Variants in FUT8 observed in about 807,000 individuals in gnomAD.
FUT8 encodes alpha-(1,6)-fucosyltransferase.
In FUT8, 29 loss-of-function variants were observed where a neutral mutation model predicts 71.3. That is an observed-to-expected ratio of 0.41 (90% CI 0.30 to 0.55). The LOEUF is 0.55. FUT8 is among the 20% of genes least tolerant of loss of function. The probability of loss-of-function intolerance (pLI) is 0.34; values close to 1 mark genes in which losing one functional copy is unlikely to be tolerated. For synonymous variants in FUT8, 254 were observed against 239.3 expected, an observed-to-expected ratio of 1.06 and a Z score of -0.57; for missense variants, 544 against 702.1, an observed-to-expected ratio of 0.77 and a Z score of 2.55.
chr14:65,477,041 A>T lies in FUT8; in HGVS notation c.-228+21323A>T, dbSNP rs536467689. ...TAAAGTTTTTCTCTACTTAAATATA[A>T]GCTTTTTTGGCACTCTTGAAGATTC... On this transcript the variant is annotated intron_variant, in intron 2 of 10. Coordinates refer to ENST00000673929, the MANE Select transcript of FUT8 (RefSeq NM_001371533.1). Among the ~76,000 whole-genome samples the T allele has an allele frequency of 1.4e-4, 21 of 152,272 alleles. No individual in the cohort carries two copies. The South Asian group carries it at 4.1e-3, about 30-fold the overall frequency.
chr14:65,516,664 T>C (rs935414394), intron 2 of FUT8, among the ~76,000 whole-genome samples: 1 of 152,144 alleles, frequency 6.6e-6, no homozygotes, highest in African/African-American at 2.4e-5. Context: ...ACATTGAATA[T>C]ACAAAATATT....
intron 1 of FUT8, among the ~76,000 whole-genome samples, chr14:65,446,130 C>A (rs1421174944): frequency 1.3e-5 from 2 of 152,146 alleles, no homozygotes; most frequent in Non-Finnish European, 2.9e-5. Flanking sequence ...GAATTTGATA[C>A]GTCTTTTAAG....
At chr14:65,449,582 T>A (rs2065791452) in intron 1 of FUT8, among the ~76,000 whole-genome samples, 1 of 152,202 alleles carries the variant, frequency 6.6e-6, no homozygotes, top group African/African-American at 2.4e-5. Context: ...CCTTCTTGTG[T>A]TTTCTCTCTT....
Position 65,611,256 on chromosome 14 carries a change from CA to C in FUT8, c.204-4721del, listed in dbSNP as rs2096239543. ...ACACACACACACACACACACACACACACACACACACACACACACACACACAC... is the reference window on the plus strand; with the variant it reads ...ACACACACACACACACACACACACACCACACACACACACACACACACACAC... On this transcript the variant is annotated intron_variant, in intron 3 of 10. Transcript: ENST00000673929. 1.7e-4 allele frequency among the ~76,000 whole-genome samples: 13 copies of C among 74,390 alleles called. 2 individuals carry two copies. Among genetic ancestry groups the C allele is most frequent in the African/African-American group, 1.2e-3 (13 of 10,624 alleles). The allele number at this position is 74,390 out of a possible 152,430, so 48.8% of individuals were successfully genotyped here. A position where few individuals can be genotyped will look rare whatever the true frequency, so the allele number is the denominator to read the frequency against.
At chr14:65,608,509 G>T (rs1200365770) in intron 3 of FUT8, among the ~76,000 whole-genome samples, 2 of 151,900 alleles carry the variant, frequency 1.3e-5, no homozygotes, top group Non-Finnish European at 1.5e-5. Flanking sequence ...TAATTTACTG[G>T]TTTTCATATT....
chr14:65,634,561 T>TG (rs1890433403), intron 6 of FUT8, among the ~76,000 whole-genome samples: 1 of 124,046 alleles, frequency 8.1e-6, no homozygotes, highest in Non-Finnish European at 1.7e-5. Context: ...AATGATCAAT[T>TG]AAAAAAAAAA....
chr14:65,623,425 C>T (rs1181553067), intron 5 of FUT8, among the ~76,000 whole-genome samples: 1 of 151,934 alleles, frequency 6.6e-6, no homozygotes, highest in African/African-American at 2.4e-5. Flanking sequence ...GTCATAAATT[C>T]TGTTCTACTT....
chr14:65,561,285 G>T, intron 2 of FUT8, 52 bp from the exon 3 acceptor site: 1 of 340,234 alleles, frequency 2.9e-6, no homozygotes, highest in Non-Finnish European at 5.4e-6. Context: ...CTCAGTATAT[G>T]CTATTTTATA....
At chr14:65,689,144 AT>A (rs1187953461) in intron 7 of FUT8, among the ~76,000 whole-genome samples, 1 of 152,214 alleles carries the variant, frequency 6.6e-6, no homozygotes, top group African/African-American at 2.4e-5. Flanking sequence ...GAGAGTTCCT[AT>A]TTCTTCACAT....
chr14:65,742,199 A>G lies in FUT8; in HGVS notation c.1517A>G (p.Asn506Ser). ...TATTTTGGGGGCCAGAATGCCCACAATCAAATTGCCATTTATGCTCACCAA... is the reference window on the plus strand; with the variant it reads ...TATTTTGGGGGCCAGAATGCCCACAGTCAAATTGCCATTTATGCTCACCAA... ...IYYFGGQNAH[N>S]QIAIYAHQPR... The change falls in exon 11 of 11, where the codon AAT becomes AGT. Residue 506 changes from asparagine to serine, a missense_variant. Transcript: ENST00000673929. The G allele has an allele frequency of 5.0e-6, 8 of 1,613,236 alleles. No individual in the cohort carries two copies. Among genetic ancestry groups the G allele is most frequent in the Non-Finnish European group, 6.8e-6 (8 of 1,179,452 alleles).
chr14:65,710,206 C>A (rs1193519787), intron 7 of FUT8, among the ~76,000 whole-genome samples: 1 of 151,944 alleles, frequency 6.6e-6, no homozygotes, highest in Non-Finnish European at 1.5e-5. Flanking sequence ...AAAAGAAACT[C>A]ATTTAAGTTT....
intron 6 of FUT8, among the ~76,000 whole-genome samples, chr14:65,632,191 A>G (rs1329950792): frequency 6.6e-6 from 1 of 152,200 alleles, no homozygotes; most frequent in Non-Finnish European, 1.5e-5. Context: ...ATAAACATGC[A>G]TGTGCAAGTA....
Position 65,643,664 on chromosome 14 carries a change from ATACACACACACACACACAC to A in FUT8, c.597+14059_597+14077del. Among the ~76,000 whole-genome samples the A allele has an allele frequency of 1.2e-5, 1 of 82,438 alleles. No individual in the cohort carries two copies. The highest frequency in any genetic ancestry group is 4.2e-4 in the South Asian group (1 of 2,356). The allele number at this position is 82,438 out of a possible 152,430, so 54.1% of individuals were successfully genotyped here. ...GCGAGACTCCGTCTTTAAAAAAAAA[ATACACACACACACACACAC>A]ACACACACACACACACACACACACA... On this transcript the variant is annotated intron_variant, in intron 6 of 10. Transcript: ENST00000673929. This position sits in a 1 kb window ranked among gnomAD's most constrained non-coding sequence, Gnocchi z 4.5.
At chr14:65,716,108 T>C (rs1194235723) in intron 7 of FUT8, among the ~76,000 whole-genome samples, 1 of 152,196 alleles carries the variant, frequency 6.6e-6, no homozygotes, top group Non-Finnish European at 1.5e-5. Flanking sequence ...TCTGCAGCCA[T>C]TGGATGAAAT....
rs147739886 is a variant in FUT8 at position 65,634,997 on chromosome 14, A to G, written c.597+5391A>G. Reference sequence around the variant, plus strand: ...GCGTTTCCATTTGTTTGTGTCATCTATGATTTCTTTCAGCACTATTTTGTA... The same window carrying G: ...GCGTTTCCATTTGTTTGTGTCATCTGTGATTTCTTTCAGCACTATTTTGTA... On this transcript the variant is annotated intron_variant, in intron 6 of 10. Transcript: ENST00000673929. Among the ~76,000 whole-genome samples, 738 of 152,250 alleles carry G rather than the reference A, an allele frequency of 4.8e-3. 8 individuals are homozygous for G. Among genetic ancestry groups the G allele is most frequent in the African/African-American group, 0.017 (701 of 41,554 alleles).
At chr14:65,515,839 A>G (rs1882674908) in intron 2 of FUT8, among the ~76,000 whole-genome samples, 2 of 152,194 alleles carry the variant, frequency 1.3e-5, no homozygotes, top group African/African-American at 4.8e-5. Context: ...TATTTGTTTA[A>G]ATGTGAATCA....
chr14:65,706,267 T>G (rs1436301635), intron 7 of FUT8, among the ~76,000 whole-genome samples: 1 of 152,184 alleles, frequency 6.6e-6, no homozygotes, highest in Non-Finnish European at 1.5e-5. Flanking sequence ...TGGACACCAG[T>G]TTTTGTGATT....
chr14:65,713,531 G>C (rs1018966359), intron 7 of FUT8, among the ~76,000 whole-genome samples: 8 of 152,016 alleles, frequency 5.3e-5, no homozygotes, highest in Non-Finnish European at 1.0e-4. Context: ...AGTGTATGAG[G>C]GTTCCCTTTT....
intron 2 of FUT8, chr14:65,468,186 G>C: frequency 1.6e-6 from 1 of 636,624 alleles, no homozygotes; most frequent in Non-Finnish European, 2.9e-6. Context: ...AACACTCGCG[G>C]AGCATTCCTT....
Sources: gnomAD v4.1 joint callset for allele counts (sites outside exome capture counted in the v4.1 genomes callset) on GRCh38, gnomAD v4.1.1 for gene constraint, Gnocchi (gnomAD v3.1) non-coding constraint, MANE v1.5 for transcripts, NCBI Gene and HGNC (gene_info 2026-07-23, HGNC 2026-07-21) for gene names.